TCF7: variants seen among roughly 807,000 people sequenced by gnomAD.
TCF7 encodes the protein T-cell-factor-7.
A neutral mutation model predicts 46.8 loss-of-function variants in TCF7; 19 were observed. The ratio of observed to expected loss-of-function variants is 0.41; its 90% CI spans 0.28 to 0.60. The LOEUF is 0.60. Among genes scored for constraint, TCF7 ranks in the 20% least tolerant of loss-of-function variants. The pLI, the probability that TCF7 is intolerant of heterozygous loss-of-function variation, is 0.35. For missense variants in TCF7, 547 were observed against 504.6 expected, an observed-to-expected ratio of 1.08 and a Z score of -0.81; for synonymous variants, 245 against 213.4, an observed-to-expected ratio of 1.15 and a Z score of -1.29.
chr5:134,116,720 T>A (rs1217979164), intron 3 of TCF7, among the ~76,000 whole-genome samples: 1 of 152,254 alleles, frequency 6.6e-6, no homozygotes, highest in African/African-American at 2.4e-5. Context: ...TTGAAAAGAT[T>A]TCATGATCTT....
intron 6 of TCF7, among the ~76,000 whole-genome samples, 185 bp from the exon 7 acceptor site, chr5:134,142,536 G>C (rs1253984148): frequency 6.6e-6 from 1 of 152,158 alleles, no homozygotes; most frequent in Non-Finnish European, 1.5e-5. Flanking sequence ...CTTGTCTGTA[G>C]TGTTCCTATA....
At chr5:134,140,020 T>C (rs1759500064) in intron 5 of TCF7, among the ~76,000 whole-genome samples, 1 of 152,194 alleles carries the variant, frequency 6.6e-6, no homozygotes, top group Non-Finnish European at 1.5e-5. Context: ...AAGCATCCCC[T>C]AGGCCAGCAG....
At chr5:134,131,963 G>T (rs1365126860) in intron 3 of TCF7, among the ~76,000 whole-genome samples, 1 of 152,238 alleles carries the variant, frequency 6.6e-6, no homozygotes, top group Non-Finnish European at 1.5e-5. Context: ...CAGGCTGCCA[G>T]TGTAGCCAGA....
chr5:134,144,796 G>C, intron 9 of TCF7: 5 of 1,614,136 alleles, frequency 3.1e-6, no homozygotes, highest in Non-Finnish European at 4.2e-6. Context: ...GCTGTGAGCA[G>C]ACCCTGGCTC....
rs140491009 is a variant in TCF7 at position 134,142,753 on chromosome 5, A to C, written c.788A>C (p.Glu263Ala). ...CAAGCAGAGTCCAAGGCAGAGAAGG[A>C]GGCCAAGAAGCCAACCATCAAGAAG... Reference protein sequence around the residue: ...KTQAESKAEKEAKKPTIKKPL... With the variant: ...KTQAESKAEKAAKKPTIKKPL... Residue 263 changes from glutamate to alanine, a missense_variant, in exon 7 of 10, where the codon GAG becomes GCG. Coordinates refer to ENST00000342854, the MANE Select transcript of TCF7 (RefSeq NM_003202.5). The C allele has an allele frequency of 1.4e-4, 227 of 1,614,198 alleles. 1 individual carries two copies. In the African/African-American group the frequency reaches 2.7e-3, roughly 19 times the overall value.
rs116635164 is a variant in TCF7 at position 134,146,884 on chromosome 5, C to A, written c.*581C>A. On this transcript the variant is annotated 3_prime_UTR_variant, in exon 10 of 10. Transcript: ENST00000342854. ...CTAGCTACCTTCTCTACCCATCTCC[C>A]CCATCCCCCACTGCCACACCCTCCC... 2.2e-3 allele frequency: 642 copies of A among 293,824 alleles called. 8 individuals are homozygous for A. Among genetic ancestry groups the A allele is most frequent in the African/African-American group, 0.013 (587 of 44,298 alleles). 18.2% of individuals were successfully genotyped at this position (293,824 alleles called of 1,614,324 possible).
At chr5:134,126,346 A>T (rs1232113239) in intron 3 of TCF7, among the ~76,000 whole-genome samples, 1 of 152,194 alleles carries the variant, frequency 6.6e-6, no homozygotes, top group Non-Finnish European at 1.5e-5. Flanking sequence ...GGGAGAGCCA[A>T]GGCCACAGGG....
chr5:134,145,769 T>C lies in TCF7; in HGVS notation c.1076-455T>C, dbSNP rs375598690. 427 of 1,613,822 alleles carry C rather than the reference T, an allele frequency of 2.6e-4. 4 individuals are homozygous for C. The Middle Eastern group carries it at 6.4e-3, about 24-fold the overall frequency. ...CAAACTGGCCCAGAGAACTCAAGGA[T>C]GGTAATGGACAAGAGTCACTGTCCA... On this transcript the variant is annotated intron_variant, in intron 9 of 9. Coordinates refer to ENST00000342854, the MANE Select transcript of TCF7 (RefSeq NM_003202.5).
At chr5:134,121,488 C>G (rs553676539) in intron 3 of TCF7, among the ~76,000 whole-genome samples, 1 of 151,428 alleles carries the variant, frequency 6.6e-6, no homozygotes, top group Non-Finnish European at 1.5e-5. Context: ...ACTCAGGAGG[C>G]TGAGGCAGGA....
intron 3 of TCF7, 56 bp downstream of exon 3, chr5:134,116,089 A>G (rs775536148): frequency 1.0e-5 from 16 of 1,557,044 alleles, no homozygotes; most frequent in Non-Finnish European, 1.3e-5. Context: ...TTGACCAGGT[A>G]GGTGAGGCAC....
At chr5:134,121,077 A>C (rs1466778222) in intron 3 of TCF7, among the ~76,000 whole-genome samples, 2 of 152,116 alleles carry the variant, frequency 1.3e-5, no homozygotes, top group Non-Finnish European at 2.9e-5. Context: ...TCAGGTGTAC[A>C]GGCCGCCTAC....
At chr5:134,138,350 G>T (rs1459002297) in intron 4 of TCF7, 186 bp downstream of exon 4, 1 of 573,134 alleles carries the variant, frequency 1.7e-6, no homozygotes, top group Non-Finnish European at 3.1e-6. Flanking sequence ...ACTGGAAAAG[G>T]TGGTGCTAGG....
At chr5:134,124,810 A>G (rs1466862528) in intron 3 of TCF7, among the ~76,000 whole-genome samples, 1 of 152,180 alleles carries the variant, frequency 6.6e-6, no homozygotes, top group East Asian at 1.9e-4. Flanking sequence ...CCCAGGGAAC[A>G]GTGGGTGTGG....
At chr5:134,137,102 G>A (rs75012583) in intron 3 of TCF7, among the ~76,000 whole-genome samples, 7,168 of 152,220 alleles carry the variant, frequency 0.047, 485 homozygotes, top group African/African-American at 0.15. Flanking sequence ...TGACTGAATC[G>A]TCTCTTGATA....
intron 5 of TCF7, chr5:134,140,412 C>T (rs190731176): frequency 1.2e-4 from 22 of 185,990 alleles, no homozygotes; most frequent in Admixed American, 2.4e-4. Context: ...GAGGAAGGGT[C>T]ACTTAGCTAA....
chr5:134,122,543 C>T (rs959527200), intron 3 of TCF7, among the ~76,000 whole-genome samples: 1 of 152,174 alleles, frequency 6.6e-6, no homozygotes, highest in Non-Finnish European at 1.5e-5. Context: ...CATCCCCAGC[C>T]CCTCCAAGGA....
At chr5:134,138,672 G>A (rs1012035558) in intron 4 of TCF7, 1 of 421,676 alleles carries the variant, frequency 2.4e-6, no homozygotes, top group Non-Finnish European at 4.3e-6. Flanking sequence ...CCCGAGCAGA[G>A]ATGCCCCAAT....
At chr5:134,129,428 G>A (rs1437785011) in intron 3 of TCF7, among the ~76,000 whole-genome samples, 5 of 152,174 alleles carry the variant, frequency 3.3e-5, no homozygotes, top group Non-Finnish European at 5.9e-5. Flanking sequence ...TCCACGGTGG[G>A]CTCCTGGATG....
chr5:134,116,117 C>A, intron 3 of TCF7, 84 bp downstream of exon 3: 1 of 1,502,474 alleles, frequency 6.7e-7, no homozygotes, highest in Middle Eastern at 2.0e-4. Context: ...AGACTTCTGC[C>A]TGGAACAAAA....
Sources: gnomAD v4.1 joint callset for allele counts (sites outside exome capture counted in the v4.1 genomes callset) on GRCh38, gnomAD v4.1.1 for gene constraint, MANE v1.5 for transcripts, NCBI Gene and HGNC (gene_info 2026-07-23, HGNC 2026-07-21) for gene names.